Variants in DPY19L4 observed in about 807,000 individuals in gnomAD.
The protein encoded by DPY19L4 is dpy-19 like 4, also known as probable C-mannosyltransferase DPY19L4.
Under a neutral mutation model 102.8 loss-of-function variants are expected in DPY19L4, and 97 were observed. The ratio of observed to expected loss-of-function variants is 0.94; its 90% CI spans 0.80 to 1.12. The LOEUF is 1.12. DPY19L4 is among the 50% of genes most tolerant of loss of function. DPY19L4 has a pLI of 0.00. For synonymous variants in DPY19L4, 252 were observed against 283.1 expected (o/e 0.89, Z 1.10); for missense variants, 815 against 850.4 (o/e 0.96, Z 0.52).
Position 94,719,987 on chromosome 8 carries a change from T to G in DPY19L4, c.-12T>G, listed in dbSNP as rs1175868396. On this transcript the variant is annotated 5_prime_UTR_variant, in exon 1 of 19. Coordinates refer to ENST00000414645, the MANE Select transcript of DPY19L4 (RefSeq NM_181787.3). ...GCGGGAGCCGCAGGGCGCCCTAGCCTTCGCAGAAACGATGGCGGAGGAAGA... is the reference window on the plus strand; with the variant it reads ...GCGGGAGCCGCAGGGCGCCCTAGCCGTCGCAGAAACGATGGCGGAGGAAGA... 8 of 1,525,356 alleles carry G rather than the reference T, an allele frequency of 5.2e-6. No individual in the cohort carries two copies. Among genetic ancestry groups the G allele is most frequent in the Non-Finnish European group, 7.0e-6 (8 of 1,137,770 alleles). The allele number at this position is 1,525,356 out of a possible 1,614,324, so 94.5% of individuals were successfully genotyped here.
intron 1 of DPY19L4, among the ~76,000 whole-genome samples, chr8:94,725,622 T>C (rs1174258035): frequency 6.6e-6 from 1 of 152,174 alleles, no homozygotes; most frequent in Admixed American, 6.6e-5. Flanking sequence ...GTGTAGTTTA[T>C]GATGAATGTA....
chr8:94,758,301 G>A (rs530656922), intron 7 of DPY19L4, among the ~76,000 whole-genome samples: 11 of 152,042 alleles, frequency 7.2e-5, no homozygotes, highest in Non-Finnish European at 1.2e-4. Context: ...ATAATACCTT[G>A]TCAAAGTCAA....
chr8:94,762,120 A>C (rs1246348770), intron 8 of DPY19L4, among the ~76,000 whole-genome samples: 1 of 152,208 alleles, frequency 6.6e-6, no homozygotes, highest in East Asian at 1.9e-4. Flanking sequence ...AAATGTAGAA[A>C]TGTAGAACAG....
chr8:94,782,987 A>G (rs927129396), intron 16 of DPY19L4, among the ~76,000 whole-genome samples: 5 of 152,246 alleles, frequency 3.3e-5, no homozygotes, highest in African/African-American at 1.2e-4. Flanking sequence ...ACTATTGAGG[A>G]CAGTGGCCAT....
intron 6 of DPY19L4, among the ~76,000 whole-genome samples, chr8:94,740,791 AC>A (rs1297020152): frequency 6.6e-6 from 1 of 152,022 alleles, no homozygotes; most frequent in Non-Finnish European, 1.5e-5. Context: ...TCTCTATTCA[AC>A]TGTCACTGCC....
chr8:94,786,403 G>C (rs988642369), intron 17 of DPY19L4, among the ~76,000 whole-genome samples: 1 of 151,108 alleles, frequency 6.6e-6, no homozygotes, highest in Non-Finnish European at 1.5e-5. Context: ...AGGATTACAG[G>C]AGTGAGCTAC....
chr8:94,784,241 T>G (rs991538000), intron 17 of DPY19L4, among the ~76,000 whole-genome samples: 1 of 151,824 alleles, frequency 6.6e-6, no homozygotes, highest in Non-Finnish European at 1.5e-5. Context: ...GCTAACATTT[T>G]TTTAATTCAC....
chr8:94,724,286 G>A (rs925180860), intron 1 of DPY19L4, among the ~76,000 whole-genome samples: 7 of 152,208 alleles, frequency 4.6e-5, no homozygotes, highest in South Asian at 4.1e-4. Flanking sequence ...ATGCTATTAC[G>A]TGATTAATCA....
intron 1 of DPY19L4, among the ~76,000 whole-genome samples, chr8:94,725,880 G>A (rs1442653651): frequency 4.6e-5 from 7 of 151,900 alleles, no homozygotes; most frequent in Non-Finnish European, 8.8e-5. Context: ...CTCGTGATCC[G>A]CCCACCTCGG....
At chr8:94,764,315 G>A (rs538514468) in intron 8 of DPY19L4, among the ~76,000 whole-genome samples, 23 of 151,974 alleles carry the variant, frequency 1.5e-4, no homozygotes, top group Non-Finnish European at 2.5e-4. Flanking sequence ...TGTGGCTCAC[G>A]CCTGTAATCC....
chr8:94,744,292 T>C (rs1811573943), intron 6 of DPY19L4: 1 of 453,608 alleles, frequency 2.2e-6, no homozygotes, highest in African/African-American at 2.0e-5. Context: ...AGTACCTTAC[T>C]GGCTTTTGGC....
intron 1 of DPY19L4, among the ~76,000 whole-genome samples, chr8:94,722,427 G>C (rs1028836752): frequency 2.6e-5 from 4 of 152,000 alleles, no homozygotes; most frequent in African/African-American, 9.7e-5. Context: ...TAAATAAAAT[G>C]ATAAATGATT....
intron 6 of DPY19L4, among the ~76,000 whole-genome samples, chr8:94,748,413 C>T (rs1353779136): frequency 1.3e-5 from 2 of 152,092 alleles, no homozygotes; most frequent in African/African-American, 4.8e-5. Flanking sequence ...CCTTCTGCCC[C>T]ACCTCTTACC....
At position 94,791,368 on chromosome 8, in the gene DPY19L4, T is replaced by C. The variant is rs1309748495; in HGVS notation, c.*1458T>C. ...TTAGACTAACTCTCAGATGCTTTGC[T>C]CTTTTGGAGCTGAAGAATTGTTTGA... On this transcript the variant is annotated 3_prime_UTR_variant, in exon 19 of 19. Transcript: ENST00000414645. 2.0e-5 allele frequency: 3 copies of C among 152,218 alleles called. No individual in the cohort carries two copies. The highest frequency in any genetic ancestry group is 2.9e-5 in the Non-Finnish European group (2 of 68,010). The allele number at this position is 152,218 out of a possible 1,614,324, so 9.4% of individuals were successfully genotyped here. A position where few individuals can be genotyped will look rare whatever the true frequency, so the allele number is the denominator to read the frequency against.
intron 6 of DPY19L4, among the ~76,000 whole-genome samples, chr8:94,740,185 A>G (rs1563580609): frequency 6.6e-6 from 1 of 152,350 alleles, no homozygotes. Context: ...GCTTAGGGAT[A>G]CTGAGCAGAG....
intron 1 of DPY19L4, 30 bp from the exon 2 acceptor site, chr8:94,726,301 A>C (rs1441747690): frequency 6.4e-7 from 1 of 1,557,158 alleles, no homozygotes; most frequent in Non-Finnish European, 8.7e-7. Flanking sequence ...TTTTATACAC[A>C]CATTGCAATA....
chr8:94,768,280 T>C, intron 11 of DPY19L4, 115 bp from the exon 12 acceptor site: 2 of 764,910 alleles, frequency 2.6e-6, no homozygotes, highest in Non-Finnish European at 4.1e-6. Flanking sequence ...CTAATATAAG[T>C]AAACGGGTTT....
chr8:94,765,935 A>G, intron 10 of DPY19L4, 126 bp downstream of exon 10: 1 of 576,334 alleles, frequency 1.7e-6, no homozygotes. Context: ...TGAGTTAAAC[A>G]ACAATCATAA....
At chr8:94,751,458 G>A (rs1811925633) in intron 6 of DPY19L4, among the ~76,000 whole-genome samples, 1 of 151,384 alleles carries the variant, frequency 6.6e-6, no homozygotes, top group Non-Finnish European at 1.5e-5. Flanking sequence ...CTATGCTGTT[G>A]TTCCCAGGAA....
Sources: gnomAD v4.1 joint callset for allele counts (sites outside exome capture counted in the v4.1 genomes callset) on GRCh38, gnomAD v4.1.1 for gene constraint, MANE v1.5 for transcripts, NCBI Gene and HGNC (gene_info 2026-07-23, HGNC 2026-07-21) for gene names.